Variants in COL8A1 observed in about 807,000 individuals in gnomAD.
COL8A1 encodes the protein collagen type VIII alpha 1 chain, also known as collagen alpha-1(VIII) chain.
Under a neutral mutation model 42.7 loss-of-function variants are expected in COL8A1, and 21 were observed. That is an observed-to-expected ratio of 0.49 (90% CI 0.35 to 0.71). The LOEUF (loss-of-function observed/expected upper bound fraction) is 0.71. COL8A1 is among the 30% of genes least tolerant of loss of function. COL8A1 has a pLI of 0.01. For synonymous variants in COL8A1, 367 were observed against 369.1 expected, an observed-to-expected ratio of 0.99 and a Z score of 0.06; for missense variants, 788 against 962.4, an observed-to-expected ratio of 0.82 and a Z score of 2.40.
chr3:99,708,481 G>C (rs183712945), intron 1 of COL8A1, among the ~76,000 whole-genome samples: 1 of 152,108 alleles, frequency 6.6e-6, no homozygotes, highest in Non-Finnish European at 1.5e-5. Flanking sequence ...TCACCAGCTT[G>C]AATCATTCTG....
At chr3:99,749,069 G>C (rs1259808177) in intron 2 of COL8A1, among the ~76,000 whole-genome samples, 1 of 152,042 alleles carries the variant, frequency 6.6e-6, no homozygotes, top group Non-Finnish European at 1.5e-5. Flanking sequence ...AAGTCATTAA[G>C]ATATTTTACA....
chr3:99,736,130 G>T (rs1485255212), intron 1 of COL8A1, among the ~76,000 whole-genome samples: 1 of 152,096 alleles, frequency 6.6e-6, no homozygotes, highest in African/African-American at 2.4e-5. Context: ...TTTTTGAAGG[G>T]TTTTTTGTGT....
At chr3:99,760,434 A>T (rs1414622020) in intron 2 of COL8A1, among the ~76,000 whole-genome samples, 1 of 152,206 alleles carries the variant, frequency 6.6e-6, no homozygotes, top group Non-Finnish European at 1.5e-5. Flanking sequence ...TTTGCAAAGA[A>T]CTTCAGCTAG....
chr3:99,748,892 T>C (rs981939439), intron 2 of COL8A1, among the ~76,000 whole-genome samples: 1 of 152,236 alleles, frequency 6.6e-6, no homozygotes, highest in African/African-American at 2.4e-5. Context: ...AAAAGTGCTA[T>C]GGCAAGAACT....
intron 1 of COL8A1, among the ~76,000 whole-genome samples, chr3:99,648,535 A>G (rs1156616840): frequency 6.6e-6 from 1 of 152,160 alleles, no homozygotes; most frequent in Non-Finnish European, 1.5e-5. Context: ...TTAGAAAAGA[A>G]AAAACAAACA....
At chr3:99,767,741 T>G (rs996824643) in intron 2 of COL8A1, among the ~76,000 whole-genome samples, 2 of 152,204 alleles carry the variant, frequency 1.3e-5, no homozygotes, top group African/African-American at 4.8e-5. Flanking sequence ...ACTGAACCTC[T>G]GAGTCTTAAC....
rs141457622 is a variant in COL8A1 at position 99,776,160 on chromosome 3, T to C, written c.-3-14520T>C. 9.8e-5 allele frequency among the ~76,000 whole-genome samples: 15 copies of C among 152,302 alleles called. No individual in the cohort carries two copies. In the East Asian group the frequency reaches 2.7e-3, roughly 27 times the overall value. On this transcript the variant is annotated intron_variant, in intron 2 of 3. Transcript: ENST00000652472. ...GTCCCACTGTGGCCTCTGAAGGACA[T>C]TAGTCTTTACTGTGTTTCAAGTTCA...
At chr3:99,738,333 G>A (rs1940794841) in intron 1 of COL8A1, among the ~76,000 whole-genome samples, 2 of 152,188 alleles carry the variant, frequency 1.3e-5, no homozygotes, top group African/African-American at 4.8e-5. Flanking sequence ...TTTCTGTTCT[G>A]TTTTTTCCCC....
intron 2 of COL8A1, among the ~76,000 whole-genome samples, chr3:99,788,013 C>A (rs1941930694): frequency 6.6e-6 from 1 of 152,132 alleles, no homozygotes; most frequent in Non-Finnish European, 1.5e-5. Flanking sequence ...TTCTTCCCAG[C>A]AAAAATTCCA....
chr3:99,716,469 T>A (rs1003295349), intron 1 of COL8A1, among the ~76,000 whole-genome samples: 3 of 152,074 alleles, frequency 2.0e-5, no homozygotes, highest in Non-Finnish European at 4.4e-5. Context: ...TAGATTCATT[T>A]AATAATATTG....
chr3:99,679,808 G>T (rs1039908780), intron 1 of COL8A1: 1 of 152,088 alleles, frequency 6.6e-6, no homozygotes, highest in African/African-American at 2.4e-5. Flanking sequence ...ATTTCTATTT[G>T]GGAGATGAGA....
At chr3:99,732,080 C>T (rs946380528) in intron 1 of COL8A1, among the ~76,000 whole-genome samples, 2 of 152,102 alleles carry the variant, frequency 1.3e-5, no homozygotes, top group African/African-American at 4.8e-5. Context: ...TGATTTCGGA[C>T]TTCCAGACTC....
At chr3:99,759,137 C>A (rs1941316989) in intron 2 of COL8A1, among the ~76,000 whole-genome samples, 1 of 148,952 alleles carries the variant, frequency 6.7e-6, no homozygotes, top group African/African-American at 2.5e-5. Context: ...TTACCTCTAT[C>A]TAAAATTATT....
At chr3:99,768,310 T>C (rs704576) in intron 2 of COL8A1, among the ~76,000 whole-genome samples, 97,359 of 152,040 alleles carry the variant, frequency 0.64, 31,910 homozygotes, top group African/African-American at 0.78. Flanking sequence ...TTGTAATCTG[T>C]TGATAGCAAA....
chr3:99,717,529 C>A (rs892525627), intron 1 of COL8A1, among the ~76,000 whole-genome samples: 2 of 151,950 alleles, frequency 1.3e-5, no homozygotes, highest in South Asian at 2.1e-4. Context: ...CAAAATAAAT[C>A]ATTAAATCAC....
intron 1 of COL8A1, among the ~76,000 whole-genome samples, chr3:99,734,101 C>T (rs529609452): frequency 2.1e-3 from 320 of 152,002 alleles, no homozygotes; most frequent in African/African-American, 7.2e-3. Context: ...TTGTAGGCTG[C>T]CTGTTAACTC....
chr3:99,788,439 G>A (rs1027111308), intron 2 of COL8A1, among the ~76,000 whole-genome samples: 1 of 152,172 alleles, frequency 6.6e-6, no homozygotes, highest in Non-Finnish European at 1.5e-5. Context: ...AGGCTGAAGG[G>A]CCAAACATGC....
chr3:99,790,274 T>C (rs1013268396), intron 2 of COL8A1, among the ~76,000 whole-genome samples: 2 of 152,206 alleles, frequency 1.3e-5, no homozygotes, highest in Non-Finnish European at 2.9e-5. Flanking sequence ...CACTCCTTTT[T>C]AGGATTCTTC....
At chr3:99,792,423 T>C (rs1215021028) in intron 3 of COL8A1, among the ~76,000 whole-genome samples, 1 of 152,222 alleles carries the variant, frequency 6.6e-6, no homozygotes, top group Non-Finnish European at 1.5e-5. Flanking sequence ...GGACCATATA[T>C]TTCATTTCTC....
Sources: allele counts gnomAD v4.1 joint callset (sites outside exome capture counted in the v4.1 genomes callset), GRCh38; gene constraint gnomAD v4.1.1; transcripts MANE v1.5; gene names NCBI Gene and HGNC (gene_info 2026-07-23, HGNC 2026-07-21).